NPAS3: variants seen among roughly 807,000 people sequenced by gnomAD.
The protein encoded by NPAS3 is neuronal PAS domain-containing protein 3.
In NPAS3, 14 loss-of-function variants were observed where a neutral mutation model predicts 73.1. The ratio of observed to expected loss-of-function variants is 0.19; its 90% confidence interval spans 0.13 to 0.30. The LOEUF is 0.30. NPAS3 is among the 10% of genes least tolerant of loss of function. The probability of loss-of-function intolerance (pLI) is 1.00; values close to 1 mark genes in which losing one functional copy is unlikely to be tolerated. For synonymous variants in NPAS3, 620 were observed against 541.5 expected, an observed-to-expected ratio of 1.14 and a Z score of -2.01; for missense variants, 1,096 against 1,250.0, an observed-to-expected ratio of 0.88 and a Z score of 1.86.
chr14:33,297,198 A>G (rs1335409209), intron 3 of NPAS3, among the ~76,000 whole-genome samples: 1 of 144,968 alleles, frequency 6.9e-6, no homozygotes, highest in Non-Finnish European at 1.5e-5. Flanking sequence ...TTTACTGGGA[A>G]TGTTATCTGA....
In NPAS3 at chr14:33,084,273, A is replaced by G. The variant is rs192124957; in HGVS notation, c.140+28279A>G. On this transcript the variant is annotated intron_variant, in intron 2 of 11. Coordinates refer to ENST00000356141, the Ensembl canonical transcript of NPAS3. ...ACACAAATTCATGAAGTACATAGCT[A>G]TGAGATAATCTCAGCATTTTGTCCA... 9.0e-4 allele frequency among the ~76,000 whole-genome samples: 137 copies of G among 152,334 alleles called. 1 individual carries two copies. Among genetic ancestry groups the G allele is most frequent in the African/African-American group, 3.1e-3 (127 of 41,580 alleles).
chr14:33,023,455 C>T (rs1566476360), intron 1 of NPAS3, among the ~76,000 whole-genome samples: 1 of 152,120 alleles, frequency 6.6e-6, no homozygotes, highest in East Asian at 1.9e-4. Context: ...GTCAGAATCA[C>T]CTTTTTTCAT....
intron 3 of NPAS3, among the ~76,000 whole-genome samples, chr14:33,338,637 G>A (rs1005739696): frequency 1.2e-4 from 18 of 152,022 alleles, no homozygotes; most frequent in African/African-American, 2.2e-4. Context: ...TTCTATCTGC[G>A]TAGTAAGATA....
At chr14:32,998,589 G>A (rs2038679976) in intron 1 of NPAS3, among the ~76,000 whole-genome samples, 1 of 152,162 alleles carries the variant, frequency 6.6e-6, no homozygotes, top group Admixed American at 6.5e-5. Context: ...TGTACAGAAT[G>A]AGGCTCCAGT....
At chr14:33,249,702 T>TGG (rs2048511985) in intron 3 of NPAS3, among the ~76,000 whole-genome samples, 1 of 152,180 alleles carries the variant, frequency 6.6e-6, no homozygotes, top group African/African-American at 2.4e-5. Flanking sequence ...GCTTTACAGT[T>TGG]CAGTTTTGTC....
chr14:33,708,270 A>G (rs2060715534), intron 6 of NPAS3, among the ~76,000 whole-genome samples: 1 of 152,198 alleles, frequency 6.6e-6, no homozygotes, highest in Admixed American at 6.5e-5. Flanking sequence ...AGCAAATTGG[A>G]GAAGACTTAG....
At chr14:33,627,605 C>T (rs1254771038) in intron 5 of NPAS3, among the ~76,000 whole-genome samples, 1 of 152,200 alleles carries the variant, frequency 6.6e-6, no homozygotes. Flanking sequence ...GCAGCTGATT[C>T]TCTCCATCCT....
intron 2 of NPAS3, among the ~76,000 whole-genome samples, chr14:33,157,110 A>G (rs2044674819): frequency 1.3e-5 from 2 of 152,222 alleles, no homozygotes; most frequent in Non-Finnish European, 1.5e-5. Context: ...CTATTCAATC[A>G]CATTTTAATG....
chr14:33,069,677 A>G (rs1426348154), intron 2 of NPAS3, among the ~76,000 whole-genome samples: 1 of 152,216 alleles, frequency 6.6e-6, no homozygotes, highest in Non-Finnish European at 1.5e-5. Context: ...AAATGAACTA[A>G]TACATGTAAA....
intron 7 of NPAS3, among the ~76,000 whole-genome samples, chr14:33,754,298 G>C (rs1422246703): frequency 6.6e-6 from 1 of 152,136 alleles, no homozygotes; most frequent in South Asian, 2.1e-4. Flanking sequence ...GGAATCCGGG[G>C]TATCAAAAGA....
intron 6 of NPAS3, among the ~76,000 whole-genome samples, chr14:33,725,257 G>A (rs953200938): frequency 4.6e-5 from 7 of 151,784 alleles, no homozygotes; most frequent in African/African-American, 7.3e-5. Flanking sequence ...AGAACTTGAA[G>A]TATAATAAAA....
At chr14:33,348,767 G>A (rs1274473328) in intron 3 of NPAS3, among the ~76,000 whole-genome samples, 2 of 152,142 alleles carry the variant, frequency 1.3e-5, no homozygotes, top group East Asian at 3.9e-4. Context: ...ACACAGAGAA[G>A]CTTCCTCTTC....
At chr14:32,992,142 G>A (rs542404448) in intron 1 of NPAS3, among the ~76,000 whole-genome samples, 54 of 152,290 alleles carry the variant, frequency 3.5e-4, no homozygotes, top group Middle Eastern at 3.4e-3. Flanking sequence ...GGACTGGTCA[G>A]TAAACTGGAC....
intron 3 of NPAS3, among the ~76,000 whole-genome samples, chr14:33,365,009 AG>A (rs1364056745): frequency 1.5e-5 from 2 of 130,072 alleles, no homozygotes; most frequent in East Asian, 2.2e-4. Context: ...TTTTTGGGGG[AG>A]GGGGGAGGGG....
intron 6 of NPAS3, among the ~76,000 whole-genome samples, chr14:33,712,088 T>C (rs2060834872): frequency 6.6e-6 from 1 of 152,112 alleles, no homozygotes; most frequent in African/African-American, 2.4e-5. Flanking sequence ...CAAATTGACA[T>C]GCAAATAAGC....
chr14:33,509,516 T>C (rs1472644687), intron 4 of NPAS3, among the ~76,000 whole-genome samples: 1 of 152,080 alleles, frequency 6.6e-6, no homozygotes, highest in Non-Finnish European at 1.5e-5. Flanking sequence ...TTCTTTCTTG[T>C]ACAAATGACT....
chr14:33,240,344 A>G (rs181201035), intron 3 of NPAS3, among the ~76,000 whole-genome samples: 107 of 151,846 alleles, frequency 7.0e-4, no homozygotes, highest in African/African-American at 2.5e-3. Flanking sequence ...TCCTGGCTCC[A>G]TTTTGGGTCC....
rs1176606241 is a variant in NPAS3, at chr14:33,683,427, CAAAAAAAA to C, written c.733+7059_733+7066del. ...AATTATGACCTGTTTTTCCTCATTT[CAAAAAAAA>C]AAAAAAAAAAAAAAAAGGTGGCCGT... On this transcript the variant is annotated intron_variant, in intron 6 of 11. Coordinates refer to ENST00000356141, the Ensembl canonical transcript of NPAS3. Among the ~76,000 whole-genome samples, 163 of 77,524 alleles carry C rather than the reference CAAAAAAAA, an allele frequency of 2.1e-3. 1 individual carries two copies. The highest frequency in any genetic ancestry group is 7.0e-3 in the African/African-American group (141 of 20,216). The allele number at this position is 77,524 out of a possible 152,430, so 50.9% of individuals were successfully genotyped here.
intron 4 of NPAS3, among the ~76,000 whole-genome samples, chr14:33,486,925 TG>T: frequency 6.6e-6 from 1 of 152,204 alleles, no homozygotes; most frequent in Non-Finnish European, 1.5e-5. Flanking sequence ...GGCCTCCTAT[TG>T]GGAGCCTTCA....
Sources: allele counts gnomAD v4.1 joint callset (sites outside exome capture counted in the v4.1 genomes callset), GRCh38; gene constraint gnomAD v4.1.1; transcripts MANE v1.5; gene names NCBI Gene and HGNC (gene_info 2026-07-23, HGNC 2026-07-21).